The following BARD1 variants were observed in gnomAD, a reference collection of about 807,000 sequenced individuals.
The protein encoded by BARD1 is BRCA1 associated RING domain 1, also known as BRCA1-associated RING domain protein 1.
In BARD1, 73 loss-of-function variants were observed where a neutral mutation model predicts 77.0. The observed-to-expected ratio is 0.95, with a 90% CI of 0.79 to 1.15. BARD1 has a LOEUF of 1.15. BARD1 is among the 50% of genes most tolerant of loss of function. BARD1 has a pLI of 0.00. For synonymous variants in BARD1, 384 were observed against 338.0 expected (o/e 1.14, Z -1.49); for missense variants, 993 against 938.8 (o/e 1.06, Z -0.75).
intron 6 of BARD1, among the ~76,000 whole-genome samples, chr2:214,760,171 C>T (rs1693888416): frequency 6.6e-6 from 1 of 152,172 alleles, no homozygotes; most frequent in African/African-American, 2.4e-5. Flanking sequence ...AAAGTCACAT[C>T]TTACTTAGCA....
At chr2:214,747,859 TAATAA>T (rs1227014913) in intron 7 of BARD1, among the ~76,000 whole-genome samples, 50 of 149,596 alleles carry the variant, frequency 3.3e-4, no homozygotes, top group East Asian at 1.2e-3. Context: ...AGTATAATAA[TAATAA>T]AATAAAATAA....
In BARD1 at chr2:214,745,136, C is replaced by A; in HGVS notation, c.1834G>T (p.Asp612Tyr). 6.2e-7 allele frequency: 1 copy of A among 1,613,944 alleles called. No homozygotes were observed. Among genetic ancestry groups the A allele is most frequent in the Non-Finnish European group, 8.5e-7 (1 of 1,179,878 alleles). Reference sequence around the variant, plus strand: ...CACTTCAAGGTACTTTGAACTGCATCACCAGGAACAACAACATGAGTTACT... The same window carrying A: ...CACTTCAAGGTACTTTGAACTGCATAACCAGGAACAACAACATGAGTTACT... ...STVTHVVVPG[D>Y]AVQSTLKCML... The change falls in exon 9 of 11, where the codon GAT (aspartate) becomes TAT (tyrosine). Residue 612 changes from aspartate (D) to tyrosine (Y), a missense_variant. By Grantham distance (160) the Asp-to-Tyr change is radical (BLOSUM62 -3). Transcript: ENST00000260947.
Position 214,745,150 on chromosome 2 carries a change from AC to A in BARD1, c.1819del (p.Val607LeufsTer12), listed in dbSNP as rs774883556. On this transcript the variant is annotated frameshift_variant, in exon 9 of 11. Coordinates refer to ENST00000260947, the MANE Select transcript of BARD1 (RefSeq NM_000465.4). LOFTEE classifies it high-confidence loss of function. ...TTGAACTGCATCACCAGGAACAACA[AC>A]ATGAGTTACTAAAATACAAAAAAAG... ...YTEFDSTVTH[V>X]VVPGDAVQST... The A allele has an allele frequency of 6.2e-7, 1 of 1,613,658 alleles. No individual in the cohort carries two copies. Among genetic ancestry groups the A allele is most frequent in the Non-Finnish European group, 8.5e-7 (1 of 1,179,572 alleles).
intron 1 of BARD1, among the ~76,000 whole-genome samples, chr2:214,800,423 A>C (rs1695964179): frequency 6.6e-6 from 1 of 152,204 alleles, no homozygotes; most frequent in African/African-American, 2.4e-5. Flanking sequence ...CTGCAATCCC[A>C]GCTACTCAGG....
intron 4 of BARD1, among the ~76,000 whole-genome samples, chr2:214,773,684 A>G (rs911567370): frequency 3.1e-4 from 47 of 152,224 alleles, no homozygotes; most frequent in African/African-American, 1.1e-3. Flanking sequence ...TTGCTAAAAA[A>G]TGGTGACAAT....
chr2:214,760,047 G>A (rs1294461300), intron 6 of BARD1, among the ~76,000 whole-genome samples: 4 of 152,056 alleles, frequency 2.6e-5, no homozygotes, highest in Non-Finnish European at 5.9e-5. Flanking sequence ...TAACTTATAT[G>A]ACTGAGTTGG....
At chr2:214,791,098 CT>C (rs1695490826) in intron 3 of BARD1, among the ~76,000 whole-genome samples, 1 of 152,080 alleles carries the variant, frequency 6.6e-6, no homozygotes, top group Non-Finnish European at 1.5e-5. Flanking sequence ...AAAACGGCAA[CT>C]TTTAAAAATG....
chr2:214,732,323 G>A (rs368952803), intron 9 of BARD1, among the ~76,000 whole-genome samples: 1 of 152,056 alleles, frequency 6.6e-6, no homozygotes, highest in Admixed American at 6.5e-5. Flanking sequence ...ACTGTCCTGC[G>A]ATTGCATCTA....
chr2:214,763,010 C>T (rs1425915524), intron 6 of BARD1, among the ~76,000 whole-genome samples: 1 of 152,064 alleles, frequency 6.6e-6, no homozygotes. Flanking sequence ...AACTTAAAAT[C>T]AGCACTCTGT....
Position 214,769,308 on chromosome 2 carries a change from T to G in BARD1, c.1319A>C (p.Asp440Ala). ...TLLHIASIKG[D>A]IPSVEYLLQN... is the part of the protein sequence containing the mutation. ...TAAAAGGTATTCAACAGAAGGTATG[T>G]CGCCCTAGAAAAATGAACAAAACGG... Residue 440 changes from aspartate (D) to alanine (A), a missense_variant, in exon 5 of 11, where the codon GAC becomes GCC. Physicochemically the swap from Asp to Ala is moderately radical, Grantham distance 126. Coordinates refer to ENST00000260947, the MANE Select transcript of BARD1 (RefSeq NM_000465.4). 6.2e-7 allele frequency: 1 copy of G among 1,612,682 alleles called. No individual in the cohort carries two copies.
intron 1 of BARD1, among the ~76,000 whole-genome samples, chr2:214,806,491 G>A (rs929567251): frequency 2.0e-5 from 3 of 152,182 alleles, no homozygotes; most frequent in African/African-American, 7.2e-5. Flanking sequence ...CTTGAGTAAG[G>A]TGCAGCTGGC....
At chr2:214,764,767 A>G (rs1330633038) in intron 6 of BARD1, among the ~76,000 whole-genome samples, 1 of 152,224 alleles carries the variant, frequency 6.6e-6, no homozygotes, top group Non-Finnish European at 1.5e-5. Context: ...AATAAAGAAA[A>G]GTAACCTGAA....
intron 3 of BARD1, among the ~76,000 whole-genome samples, chr2:214,787,463 TAAGATA>T (rs778975585): frequency 1.2e-4 from 18 of 152,046 alleles, no homozygotes; most frequent in Non-Finnish European, 2.2e-4. Flanking sequence ...TCTGAATATC[TAAGATA>T]ATATTCTAAG....
At position 214,769,238 on chromosome 2, in the gene BARD1, T is replaced by C. The variant is rs748796794; in HGVS notation, c.1389A>G (p.Thr463=). Reference sequence around the variant, plus strand: ...ATAAAAACCAGACAACTACCAATGGTGTCCATCCAGCATGGTCTTTAACAT... The same window carrying C: ...ATAAAAACCAGACAACTACCAATGGCGTCCATCCAGCATGGTCTTTAACAT... ...DPNVKDHAGW[T]PLHEACNHGH... The change falls in exon 5 of 11, where the codon ACA becomes ACG. Residue 463 remains threonine (T), a synonymous_variant. Transcript: ENST00000260947. 2 of 1,611,100 alleles carry C rather than the reference T, an allele frequency of 1.2e-6. No homozygotes were observed. Among genetic ancestry groups the C allele is most frequent in the Admixed American group, 3.3e-5 (2 of 60,014 alleles).
intron 3 of BARD1, among the ~76,000 whole-genome samples, chr2:214,791,935 G>A (rs1695530928): frequency 6.6e-6 from 1 of 152,056 alleles, no homozygotes; most frequent in African/African-American, 2.4e-5. Context: ...TGTAGGCAAG[G>A]TTATTTCACC....
intron 1 of BARD1, among the ~76,000 whole-genome samples, chr2:214,798,874 T>C (rs1215195321): frequency 3.9e-5 from 6 of 151,906 alleles, no homozygotes; most frequent in African/African-American, 1.5e-4. Flanking sequence ...ATCCTAGCAC[T>C]TTGGGAGGCC....
rs1022414865 is a variant in BARD1 at position 214,728,129 on chromosome 2, C to T, written c.*547G>A. On this transcript the variant is annotated 3_prime_UTR_variant, in exon 11 of 11. Coordinates refer to ENST00000260947, the MANE Select transcript of BARD1 (RefSeq NM_000465.4). ...ACAGGGATGAAAGTGTAGAAACACA[C>T]AACAAAGTAAATTATTAAGAAAAGA... The T allele has an allele frequency of 8.7e-6, 2 of 229,126 alleles. No homozygotes were observed. The highest frequency in any genetic ancestry group is 1.7e-5 in the Non-Finnish European group (2 of 115,764). 14.2% of individuals were successfully genotyped at this position (229,126 alleles called of 1,614,324 possible).
intron 5 of BARD1, among the ~76,000 whole-genome samples, chr2:214,768,735 T>C (rs1694331816): frequency 6.6e-6 from 1 of 152,208 alleles, no homozygotes; most frequent in African/African-American, 2.4e-5. Flanking sequence ...TTTTTAGTAA[T>C]AATAAGCAAA....
intron 6 of BARD1, among the ~76,000 whole-genome samples, chr2:214,767,218 T>C (rs1442028506): frequency 1.3e-5 from 2 of 152,232 alleles, no homozygotes; most frequent in African/African-American, 2.4e-5. Flanking sequence ...TTTTATCCGA[T>C]CTGTCATTGA....
Sources: gnomAD v4.1 joint callset for allele counts (sites outside exome capture counted in the v4.1 genomes callset) on GRCh38, gnomAD v4.1.1 for gene constraint, MANE v1.5 for transcripts, NCBI Gene and HGNC (gene_info 2026-07-23, HGNC 2026-07-21) for gene names.